Variants in OR6B3 observed in about 807,000 individuals in gnomAD.
OR6B3 encodes the protein olfactory receptor family 6 subfamily B member 3.
For synonymous variants in OR6B3, 148 were observed against 187.8 expected (o/e 0.79, Z 1.73); for missense variants, 315 against 427.4 (o/e 0.74, Z 2.32).
upstream of OR6B3, among the ~76,000 whole-genome samples, chr2:240,047,424 G>T (rs77047134): frequency 0.14 from 21,331 of 151,996 alleles, 2,013 homozygotes; most frequent in African/African-American, 0.27. Flanking sequence ...CAGTTTTAAA[G>T]GTTTGAAACA....
At chr2:240,053,363 G>C in the OR6B3 span, among the ~76,000 whole-genome samples, 1 of 152,198 alleles carries the variant, frequency 6.6e-6, no homozygotes, top group Non-Finnish European at 1.5e-5. This position sits in a 1 kb window ranked among gnomAD's most constrained non-coding sequence, Gnocchi z 4.1. Flanking sequence ...TCAAGGTCCT[G>C]CACTCACAAT....
Position 240,045,504 on chromosome 2 carries a change from G to A in OR6B3, c.569C>T (p.Thr190Met), listed in dbSNP as rs199762548. 6.9e-5 allele frequency: 112 copies of A among 1,613,368 alleles called. 1 individual carries two copies. Among genetic ancestry groups the A allele is most frequent in the South Asian group, 4.9e-4 (45 of 91,054 alleles). ...CACCAGCTCTGCAGTGGAGAAGTCC[G>A]TGCAGGCCAGCTTGAGGATGGGGGA... The change falls in exon 2 of 2, where the codon ACG (threonine) becomes ATG (methionine). Residue 190 changes from threonine to methionine, a missense_variant. Thr to Met is a moderately conservative substitution (Grantham distance 81). Coordinates refer to ENST00000641019, the Ensembl canonical transcript of OR6B3.
chr2:240,045,349 C>A (rs199798079), exon 2 of OR6B3: 37 of 1,614,050 alleles, frequency 2.3e-5, no homozygotes, highest in Non-Finnish European at 3.1e-5. Context: ...AGGTGAGAGG[C>A]GCAGGTGAAG....
Position 240,046,132 on chromosome 2 carries a change from C to G in OR6B3, c.-25-35G>C, listed in dbSNP as rs1182818044. 7 of 1,433,810 alleles carry G rather than the reference C, an allele frequency of 4.9e-6. No homozygotes were observed. The African/African-American group carries it at 9.9e-5, about 20-fold the overall frequency. The allele number at this position is 1,433,810 out of a possible 1,614,324, so 88.8% of individuals were successfully genotyped here. A position where few individuals can be genotyped will look rare whatever the true frequency, so the allele number is the denominator to read the frequency against. ...ATCAAAGAGCAAGAGGAAAGGGCTG[C>G]AGGGAAGCTGGGGCAGAGGGAGAGT... On this transcript the variant is annotated intron_variant, in intron 1 of 1. Transcript: ENST00000641019.
At chr2:240,045,149 C>G (rs556649258) in exon 2 of OR6B3, 14 of 1,614,114 alleles carry the variant, frequency 8.7e-6, no homozygotes, top group Non-Finnish European at 1.2e-5. Context: ...CGGCGCAGCT[C>G]GTCAAGCCGA....
rs1698185714 is a variant in OR6B3, at chr2:240,046,136, G to A, written c.-25-39C>T. 23 of 1,411,200 alleles carry A rather than the reference G, an allele frequency of 1.6e-5. 1 individual carries two copies. In the South Asian group the frequency reaches 2.9e-4, roughly 18 times the overall value. The allele number at this position is 1,411,200 out of a possible 1,614,324, so 87.4% of individuals were successfully genotyped here. On this transcript the variant is annotated intron_variant, in intron 1 of 1. Transcript: ENST00000641019. ...AAGAGCAAGAGGAAAGGGCTGCAGG[G>A]AAGCTGGGGCAGAGGGAGAGTGGAG...
chr2:240,045,492 G>T lies in OR6B3; in HGVS notation c.581C>A (p.Thr194Asn). 1 of 1,614,120 alleles carries T rather than the reference G, an allele frequency of 6.2e-7. No individual in the cohort carries two copies. Among genetic ancestry groups the T allele is most frequent in the Non-Finnish European group, 8.5e-7 (1 of 1,179,964 alleles). ...CAGAATGAAATCCACCAGCTCTGCA[G>T]TGGAGAAGTCCGTGCAGGCCAGCTT... Residue 194 changes from threonine (T) to asparagine (N), a missense_variant, in exon 2 of 2, where the codon ACT (threonine) becomes AAT (asparagine). Coordinates refer to ENST00000641019, the Ensembl canonical transcript of OR6B3.
chr2:240,047,284 C>T (rs975634169), upstream of OR6B3, among the ~76,000 whole-genome samples: 2 of 152,142 alleles, frequency 1.3e-5, no homozygotes, highest in East Asian at 1.9e-4. Context: ...TGGAAGCCAC[C>T]GTATTGTTCA....
rs199923142 is a variant in OR6B3 at position 240,045,790 on chromosome 2, C to T, written c.283G>A (p.Val95Ile). 4.5e-5 allele frequency: 67 copies of T among 1,495,074 alleles called. No individual in the cohort carries two copies. The Middle Eastern group carries it at 6.8e-4, about 15-fold the overall frequency. The allele number at this position is 1,495,074 out of a possible 1,614,324, so 92.6% of individuals were successfully genotyped here. ...AAGTAGAGCTGCGTCATGCACCCGA[C>T]GAAAGAGATGCGTTTCTGCTGGAGG... The change falls in exon 2 of 2, where the codon GTC (valine) becomes ATC (isoleucine). Residue 95 changes from valine (V) to isoleucine (I), a missense_variant. By Grantham distance (29) the Val-to-Ile change is conservative (BLOSUM62 3). Transcript: ENST00000641019.
exon 2 of OR6B3, chr2:240,045,168 T>C: frequency 1.2e-6 from 2 of 1,614,230 alleles, no homozygotes; most frequent in Middle Eastern, 1.6e-4. Flanking sequence ...GAAGGCTTTT[T>C]TCAAGGCATT....
At chr2:240,050,577 C>T (rs979568305), upstream of OR6B3, among the ~76,000 whole-genome samples, 10 of 152,004 alleles carry the variant, frequency 6.6e-5, no homozygotes, top group Admixed American at 5.9e-4. Context: ...AGCCTGGCGT[C>T]ATGGCAGGCA....
chr2:240,053,139 C>T, the OR6B3 span, among the ~76,000 whole-genome samples: 2 of 152,134 alleles, frequency 1.3e-5, no homozygotes, highest in Admixed American at 1.3e-4. The surrounding 1 kb of genome is among the most constrained non-coding windows in gnomAD (Gnocchi z 4.1). Context: ...TGGGGCAGAC[C>T]GAGAATTCCA....
chr2:240,045,899 G>C (rs1559435064), exon 2 of OR6B3: 1 of 1,592,630 alleles, frequency 6.3e-7, no homozygotes, highest in Admixed American at 1.7e-5. Flanking sequence ...AGTAGTACAT[G>C]GGCCTGTGGA....
chr2:240,053,046 G>A, the OR6B3 span, among the ~76,000 whole-genome samples: 6,994 of 152,078 alleles, frequency 0.046, 272 homozygotes, highest in South Asian at 0.14. The surrounding 1 kb of genome is among the most constrained non-coding windows in gnomAD (Gnocchi z 4.1). Flanking sequence ...CCGGTGATCC[G>A]CCCACCTCAG....
downstream of OR6B3, chr2:240,044,944 A>T: frequency 1.3e-6 from 1 of 757,918 alleles, no homozygotes; most frequent in Non-Finnish European, 2.2e-6. Context: ...AAGTACTGGT[A>T]TTACAACACC....
chr2:240,050,552 A>G (rs1698243403), upstream of OR6B3, among the ~76,000 whole-genome samples: 1 of 152,072 alleles, frequency 6.6e-6, no homozygotes, highest in African/African-American at 2.4e-5. Context: ...TGTCTCTACT[A>G]AAAATACAAA....
intron 1 of OR6B3, 100 bp from the exon 3 acceptor site, chr2:240,046,197 G>C (rs868471616): frequency 1.3e-6 from 1 of 767,544 alleles, no homozygotes; most frequent in African/African-American, 1.8e-5. Context: ...GTAAAGAGAG[G>C]CCACGTGGCT....
exon 2 of OR6B3, chr2:240,045,687 G>C: frequency 7.5e-7 from 1 of 1,340,552 alleles, no homozygotes; most frequent in Non-Finnish European, 1.1e-6. Flanking sequence ...GTAGCGCAGC[G>C]GGTGGCAGAT....
At chr2:240,049,103 C>T (rs1698226908), upstream of OR6B3, among the ~76,000 whole-genome samples, 1 of 152,068 alleles carries the variant, frequency 6.6e-6, no homozygotes, top group Admixed American at 6.6e-5. Context: ...TTTGGAAGTC[C>T]TTTTATGGCT....
Sources: gnomAD v4.1 joint callset for allele counts (sites outside exome capture counted in the v4.1 genomes callset) on GRCh38, gnomAD v4.1.1 for gene constraint, Gnocchi (gnomAD v3.1) non-coding constraint, MANE v1.5 for transcripts, NCBI Gene and HGNC (gene_info 2026-07-23, HGNC 2026-07-21) for gene names.